PARPBP: variants seen among roughly 807,000 people sequenced by gnomAD.
The protein encoded by PARPBP is PARP1 binding protein.
In PARPBP, 52 loss-of-function variants were observed where a neutral mutation model predicts 50.0. That is an observed-to-expected ratio of 1.04 (90% confidence interval 0.83 to 1.31). The LOEUF is 1.31. Among genes scored for constraint, PARPBP ranks in the 50% most tolerant of loss-of-function variants. The probability of loss-of-function intolerance (pLI) is 0.00; values close to 1 mark genes in which losing one functional copy is unlikely to be tolerated. For synonymous variants in PARPBP, 244 were observed against 232.1 expected (o/e 1.05, Z -0.47); for missense variants, 697 against 672.0 (o/e 1.04, Z -0.41).
At chr12:102,193,386 A>G (rs957416920) in intron 9 of PARPBP, among the ~76,000 whole-genome samples, 1 of 151,910 alleles carries the variant, frequency 6.6e-6, no homozygotes, top group African/African-American at 2.4e-5. Flanking sequence ...GGTGCTCATG[A>G]GAGTTTTGCA....
intron 2 of PARPBP, among the ~76,000 whole-genome samples, chr12:102,146,564 A>G (rs1409569081): frequency 1.3e-5 from 2 of 152,212 alleles, no homozygotes; most frequent in Admixed American, 6.5e-5. Flanking sequence ...ATAAAAATTA[A>G]TTCTAGATGG....
At chr12:102,188,402 C>T (rs1469994597) in intron 9 of PARPBP, among the ~76,000 whole-genome samples, 1 of 152,028 alleles carries the variant, frequency 6.6e-6, no homozygotes, top group Non-Finnish European at 1.5e-5. Flanking sequence ...CCCTACAAGG[C>T]TCGCAGTTGA....
At chr12:102,167,142 C>A (rs1888216131) in intron 6 of PARPBP, among the ~76,000 whole-genome samples, 1 of 152,216 alleles carries the variant, frequency 6.6e-6, no homozygotes, top group Non-Finnish European at 1.5e-5. Context: ...GAACCTTCAT[C>A]CTCACCTCGT....
chr12:102,146,180 A>G (rs1184225660), intron 2 of PARPBP, among the ~76,000 whole-genome samples: 3 of 152,208 alleles, frequency 2.0e-5, no homozygotes, highest in Admixed American at 6.5e-5. Context: ...CCATCAAGCC[A>G]CCAATGGCTT....
chr12:102,133,184 T>A (rs1482960163), intron 2 of PARPBP, among the ~76,000 whole-genome samples: 1 of 152,176 alleles, frequency 6.6e-6, no homozygotes, highest in East Asian at 1.9e-4. Flanking sequence ...AGTACTATGT[T>A]GAATAGAAGT....
Position 102,178,755 on chromosome 12 carries a change from T to C in PARPBP, c.1169T>C (p.Ile390Thr). The C allele has an allele frequency of 6.2e-7, 1 of 1,605,844 alleles. No homozygotes were observed. Among genetic ancestry groups the C allele is most frequent in the Non-Finnish European group, 8.5e-7 (1 of 1,175,628 alleles). Residue 390 changes from isoleucine to threonine, a missense_variant, in exon 8 of 11, where the codon ATT (isoleucine) becomes ACT (threonine). By Grantham distance (89) the Ile-to-Thr change is moderately conservative. Coordinates refer to ENST00000327680, the MANE Select transcript of PARPBP (RefSeq NM_017915.5). ...ENTIHHHGTS[I>T]LTLFRSPTQV... ...ACAATCCATCATCATGGAACGTCTA[T>C]TCTTACACTTTTTAGGTAAGTTATG...
intron 4 of PARPBP, among the ~76,000 whole-genome samples, chr12:102,158,787 G>A (rs1887247269): frequency 3.3e-5 from 5 of 151,390 alleles, no homozygotes; most frequent in Non-Finnish European, 7.4e-5. Flanking sequence ...AATTATAATT[G>A]TTATATTTGT....
At chr12:102,131,695 G>A (rs1340876719) in intron 2 of PARPBP, among the ~76,000 whole-genome samples, 1 of 152,038 alleles carries the variant, frequency 6.6e-6, no homozygotes, top group Non-Finnish European at 1.5e-5. Flanking sequence ...TGCAGGAAAA[G>A]GAACTAGAGA....
intron 9 of PARPBP, among the ~76,000 whole-genome samples, chr12:102,187,803 T>C (rs1394677783): frequency 6.6e-6 from 1 of 152,178 alleles, no homozygotes; most frequent in East Asian, 1.9e-4. Flanking sequence ...GAGGATATAG[T>C]ACGTCATGGT....
At chr12:102,133,400 G>C (rs1490856917) in intron 2 of PARPBP, among the ~76,000 whole-genome samples, 1 of 152,018 alleles carries the variant, frequency 6.6e-6, no homozygotes, top group Non-Finnish European at 1.5e-5. Flanking sequence ...CTTTAGAGAT[G>C]ATCATAGTGT....
chr12:102,170,574 C>T (rs1287966876), intron 6 of PARPBP, among the ~76,000 whole-genome samples: 1 of 152,192 alleles, frequency 6.6e-6, no homozygotes, highest in African/African-American at 2.4e-5. Context: ...CTTGCCATGA[C>T]TGGAGTTTGC....
At chr12:102,127,961 C>T (rs1395661488) in intron 2 of PARPBP, among the ~76,000 whole-genome samples, 2 of 152,074 alleles carry the variant, frequency 1.3e-5, no homozygotes, top group African/African-American at 2.4e-5. Flanking sequence ...AATATGTATA[C>T]ATTGTGAAAT....
rs1484095046 is a variant in PARPBP at position 102,175,462 on chromosome 12, CA to C, written c.822-19del. 8 of 1,574,788 alleles carry C rather than the reference CA, an allele frequency of 5.1e-6. No homozygotes were observed. ...ATAATTTGCAATACTGCTATAGAGGCAATCTAATTTCTATTTTCAGCATTGC... is the reference window on the plus strand; with the variant it reads ...ATAATTTGCAATACTGCTATAGAGGCATCTAATTTCTATTTTCAGCATTGC... On this transcript the variant is annotated intron_variant, in intron 6 of 10. Transcript: ENST00000327680.
intron 2 of PARPBP, among the ~76,000 whole-genome samples, chr12:102,131,761 A>T (rs1882888745): frequency 1.3e-5 from 2 of 152,236 alleles, no homozygotes; most frequent in Admixed American, 6.5e-5. Context: ...ACATGTTCTC[A>T]CTTATAAGTG....
At chr12:102,151,678 C>T (rs573942859) in intron 3 of PARPBP, 236 of 1,535,534 alleles carry the variant, frequency 1.5e-4, no homozygotes, top group African/African-American at 1.5e-4. Flanking sequence ...GACTCTGGAG[C>T]GGCAGAAGGG....
chr12:102,130,236 A>G (rs1203843512), intron 2 of PARPBP, among the ~76,000 whole-genome samples: 1 of 152,214 alleles, frequency 6.6e-6, no homozygotes, highest in Admixed American at 6.5e-5. Context: ...ACATACAAAA[A>G]TCAACTCAAG....
chr12:102,193,531 T>A (rs1353527308), intron 9 of PARPBP, among the ~76,000 whole-genome samples: 1 of 152,010 alleles, frequency 6.6e-6, no homozygotes, highest in Non-Finnish European at 1.5e-5. Flanking sequence ...TTATAAGCAA[T>A]AAGTTTATAA....
intron 2 of PARPBP, among the ~76,000 whole-genome samples, chr12:102,130,403 C>T (rs141850607): frequency 4.1e-4 from 62 of 152,186 alleles, no homozygotes; most frequent in African/African-American, 1.4e-3. Flanking sequence ...TCTAATTAAA[C>T]TAGAGAGCTT....
intron 2 of PARPBP, among the ~76,000 whole-genome samples, chr12:102,132,281 A>C (rs954589925): frequency 6.6e-6 from 1 of 152,180 alleles, no homozygotes; most frequent in East Asian, 1.9e-4. Flanking sequence ...AAACCTGCAC[A>C]TATACCCCTG....
Sources: gnomAD v4.1 joint callset for allele counts (sites outside exome capture counted in the v4.1 genomes callset) on GRCh38, gnomAD v4.1.1 for gene constraint, MANE v1.5 for transcripts, NCBI Gene and HGNC (gene_info 2026-07-23, HGNC 2026-07-21) for gene names.